Variants in ZNF532 observed in about 807,000 individuals in gnomAD.
ZNF532 encodes zinc finger protein 532.
In ZNF532, 22 loss-of-function variants were observed where a neutral mutation model predicts 89.3. That is an observed-to-expected ratio of 0.25 (90% confidence interval 0.18 to 0.35). The LOEUF is 0.35. Ranked by LOEUF, ZNF532 falls within the 10% of genes least tolerant of loss-of-function variation. The pLI, the probability that ZNF532 is intolerant of heterozygous loss-of-function variation, is 1.00. For synonymous variants in ZNF532, 606 were observed against 649.6 expected, an observed-to-expected ratio of 0.93 and a Z score of 1.02; for missense variants, 1,132 against 1,643.4, an observed-to-expected ratio of 0.69 and a Z score of 5.38.
intron 7 of ZNF532, among the ~76,000 whole-genome samples, chr18:58,967,544 C>G (rs140508905): frequency 1.1e-4 from 17 of 152,220 alleles, no homozygotes; most frequent in South Asian, 4.1e-4. Context: ...ACCCTGCCCC[C>G]CCGTGCACCC....
chr18:58,917,567 C>T (rs1032648056), intron 2 of ZNF532, among the ~76,000 whole-genome samples: 4 of 152,188 alleles, frequency 2.6e-5, no homozygotes, highest in African/African-American at 9.7e-5. Context: ...ATATATCCTT[C>T]ATGTTTAGTA....
chr18:58,888,780 T>TA (rs1568246286), intron 2 of ZNF532, among the ~76,000 whole-genome samples: 1 of 53,706 alleles, frequency 1.9e-5, no homozygotes, highest in Non-Finnish European at 2.9e-5. Context: ...AATTTATATA[T>TA]ATATAAAATA....
intron 6 of ZNF532, among the ~76,000 whole-genome samples, chr18:58,951,655 T>TTTGGTTTTTTG (rs1568406284): frequency 1.5e-5 from 2 of 136,260 alleles, no homozygotes; most frequent in African/African-American, 5.6e-5. Context: ...TGTTTTTTTT[T>TTTGGTTTTTTG]TTTTTTTTTT....
At chr18:58,983,693 A>G (rs533550892) in intron 9 of ZNF532, among the ~76,000 whole-genome samples, 18 of 151,912 alleles carry the variant, frequency 1.2e-4, no homozygotes, top group Admixed American at 1.1e-3. Flanking sequence ...CTGTTCATCT[A>G]ACTCCGCTGC....
At chr18:58,921,985 T>C (rs73439939) in intron 3 of ZNF532, among the ~76,000 whole-genome samples, 11,594 of 151,970 alleles carry the variant, frequency 0.076, 829 homozygotes, top group African/African-American at 0.18. Flanking sequence ...TGCATGCTGT[T>C]GGTCCCAGCT....
At chr18:58,981,055 A>G in intron 8 of ZNF532, 1 of 187,868 alleles carries the variant, frequency 5.3e-6, no homozygotes, top group Non-Finnish European at 1.1e-5. Flanking sequence ...TACACACTCG[A>G]CTGCCATGAG....
At chr18:58,961,242 G>A (rs1435746976) in intron 7 of ZNF532, among the ~76,000 whole-genome samples, 1 of 152,232 alleles carries the variant, frequency 6.6e-6, no homozygotes, top group Non-Finnish European at 1.5e-5. Context: ...TGCTGATGCT[G>A]CTCATCTTGG....
chr18:58,920,419 C>A lies in ZNF532; in HGVS notation c.2132C>A (p.Ala711Asp). The A allele has an allele frequency of 1.2e-6, 2 of 1,613,946 alleles. No homozygotes were observed. Among genetic ancestry groups the A allele is most frequent in the South Asian group, 2.2e-5 (2 of 91,076 alleles). ...STSTLQSPVG[A>D]GTHTVTKIQS... is the part of the protein sequence containing the mutation. ...TCCACTCTTCAGAGCCCTGTGGGAG[C>A]TGGCACACACACTGTCACAAAAATT... The change falls in exon 3 of 10, where the codon GCT becomes GAT. Residue 711 changes from alanine (A) to aspartate (D), a missense_variant. Transcript: ENST00000591808.
intron 2 of ZNF532, among the ~76,000 whole-genome samples, chr18:58,917,578 A>G (rs2060696503): frequency 6.6e-6 from 1 of 152,164 alleles, no homozygotes; most frequent in East Asian, 1.9e-4. Flanking sequence ...ATGTTTAGTA[A>G]TGGCTGTGAC....
intron 3 of ZNF532, among the ~76,000 whole-genome samples, chr18:58,932,688 G>A (rs1221629045): frequency 6.6e-6 from 1 of 152,108 alleles, no homozygotes. Flanking sequence ...TTCCTTATCT[G>A]TAAAGTGGAG....
chr18:58,900,060 G>A (rs924353787), intron 2 of ZNF532, among the ~76,000 whole-genome samples: 5 of 151,498 alleles, frequency 3.3e-5, no homozygotes, highest in Non-Finnish European at 7.4e-5. Flanking sequence ...TTTGATTTTT[G>A]TTTTGATTCA....
chr18:58,881,440 CT>C, intron 2 of ZNF532, among the ~76,000 whole-genome samples: 1 of 152,162 alleles, frequency 6.6e-6, no homozygotes, highest in Non-Finnish European at 1.5e-5. Flanking sequence ...GCCTGTTTTA[CT>C]TCTTAAAAGA....
At chr18:58,929,362 G>C (rs1157034122) in intron 3 of ZNF532, among the ~76,000 whole-genome samples, 3 of 150,412 alleles carry the variant, frequency 2.0e-5, no homozygotes, top group Admixed American at 6.6e-5. Context: ...CATACTAACT[G>C]TATTCTCGTG....
At chr18:58,895,274 G>T (rs1279816303) in intron 2 of ZNF532, among the ~76,000 whole-genome samples, 1 of 152,178 alleles carries the variant, frequency 6.6e-6, no homozygotes, top group Admixed American at 6.5e-5. Context: ...AGGAACAGAC[G>T]CATGTCTTTA....
chr18:58,867,775 C>A (rs116007148), intron 2 of ZNF532, among the ~76,000 whole-genome samples: 2,159 of 152,282 alleles, frequency 0.014, 45 homozygotes, highest in African/African-American at 0.05. Flanking sequence ...TTGTTTTTAT[C>A]CTTTGCCTAT....
intron 3 of ZNF532, among the ~76,000 whole-genome samples, chr18:58,927,917 C>A (rs559633969): frequency 1.3e-5 from 2 of 151,586 alleles, no homozygotes; most frequent in African/African-American, 4.9e-5. Flanking sequence ...GTGTAAACTT[C>A]CTTTCTTAGC....
At chr18:58,983,746 GC>G (rs1033431954) in intron 9 of ZNF532, among the ~76,000 whole-genome samples, 79 of 64,858 alleles carry the variant, frequency 1.2e-3, no homozygotes, top group African/African-American at 0.012. Flanking sequence ...CCACTGTTGT[GC>G]CCCACTGGCA....
At position 58,920,066 on chromosome 18, in the gene ZNF532, A is replaced by G. The variant is rs776216016; in HGVS notation, c.1779A>G (p.Pro593=). The G allele has an allele frequency of 1.2e-6, 2 of 1,613,966 alleles. No individual in the cohort carries two copies. Among genetic ancestry groups the G allele is most frequent in the Admixed American group, 3.3e-5 (2 of 60,008 alleles). The change falls in exon 3 of 10, where the codon CCA becomes CCG. Residue 593 remains proline, a synonymous_variant. Coordinates refer to ENST00000591808, the MANE Select transcript of ZNF532 (RefSeq NM_001375912.1). ...AFNKVLSSVN[P]VPVYIPNLSP... ...ACAAGGTGCTGAGCAGTGTCAATCC[A>G]GTCCCTGTTTACATCCCAAACCTCA... is the stretch of plus-strand genomic sequence containing the variant.
chr18:58,882,661 G>A (rs985107501), intron 2 of ZNF532, among the ~76,000 whole-genome samples: 4 of 152,082 alleles, frequency 2.6e-5, no homozygotes, highest in African/African-American at 9.7e-5. Flanking sequence ...GCTTGGGCTG[G>A]TCTCAAACTC....
Sources: gnomAD v4.1 joint callset for allele counts (sites outside exome capture counted in the v4.1 genomes callset) on GRCh38, gnomAD v4.1.1 for gene constraint, MANE v1.5 for transcripts, NCBI Gene and HGNC (gene_info 2026-07-23, HGNC 2026-07-21) for gene names.